FRYL: variants seen among roughly 807,000 people sequenced by gnomAD.
The protein encoded by FRYL is FRY like transcription coactivator.
A neutral mutation model predicts 351.2 loss-of-function variants in FRYL; 150 were observed. That is an observed-to-expected ratio of 0.43 (90% CI 0.37 to 0.49). The LOEUF is 0.49. FRYL is among the 20% of genes least tolerant of loss of function. The probability of loss-of-function intolerance (pLI) is 0.00; values close to 1 mark genes in which losing one functional copy is unlikely to be tolerated. For synonymous variants in FRYL, 1,153 were observed against 1,257.1 expected (o/e 0.92, Z 1.75); for missense variants, 3,036 against 3,619.3 (o/e 0.84, Z 4.13).
intron 1 of FRYL, among the ~76,000 whole-genome samples, chr4:48,732,930 T>TAAA (rs35830833): frequency 2.8e-5 from 4 of 142,594 alleles, no homozygotes; most frequent in East Asian, 2.0e-4. Context: ...ATAACAATAT[T>TAAA]AAAAAAAAAA....
chr4:48,650,866 G>C (rs1282362433), intron 3 of FRYL, among the ~76,000 whole-genome samples: 4 of 152,160 alleles, frequency 2.6e-5, no homozygotes, highest in Non-Finnish European at 5.9e-5. Context: ...CTGTGGAGAG[G>C]AGAGACTACG....
intron 20 of FRYL, 91 bp from the exon 21 acceptor site, chr4:48,581,696 G>T: frequency 9.7e-7 from 1 of 1,031,700 alleles, no homozygotes; most frequent in Non-Finnish European, 1.4e-6. Flanking sequence ...AAATCATAGT[G>T]ATTATGACTA....
chr4:48,732,948 G>T (rs550652253), intron 1 of FRYL, among the ~76,000 whole-genome samples: 6 of 147,900 alleles, frequency 4.1e-5, no homozygotes, highest in African/African-American at 1.5e-4. Context: ...AAAAAAGAAA[G>T]TAAGTAAGAA....
At chr4:48,772,576 T>C (rs1775623479) in intron 1 of FRYL, among the ~76,000 whole-genome samples, 1 of 151,598 alleles carries the variant, frequency 6.6e-6, no homozygotes, top group South Asian at 2.1e-4. Context: ...CATCTTAAGT[T>C]TTAAAATGGA....
intron 9 of FRYL, among the ~76,000 whole-genome samples, chr4:48,608,350 ATT>A (rs1747305641): frequency 6.6e-6 from 1 of 152,182 alleles, no homozygotes; most frequent in Non-Finnish European, 1.5e-5. Context: ...AGAAAATATA[ATT>A]TGATACTTTT....
intron 6 of FRYL, 77 bp from the exon 7 acceptor site, chr4:48,619,447 G>A (rs1750208894): frequency 2.8e-6 from 2 of 721,960 alleles, no homozygotes; most frequent in African/African-American, 1.8e-5. Context: ...AGCTCATGTC[G>A]CTTACTGTTT....
intron 2 of FRYL, among the ~76,000 whole-genome samples, chr4:48,697,062 G>A (rs1766263580): frequency 6.6e-6 from 1 of 151,842 alleles, no homozygotes; most frequent in Non-Finnish European, 1.5e-5. Context: ...TGGTGTAACT[G>A]AAGAAGAAGA....
rs60804712 is a variant in FRYL at position 48,657,953 on chromosome 4, C to A, written c.-80-23463G>T. On this transcript the variant is annotated intron_variant, in intron 3 of 63. Coordinates refer to ENST00000358350, the MANE Select transcript of FRYL (RefSeq NM_015030.2). ...TAATCACCTTCCACTTAACTCTATG[C>A]CCATTTAACTGGCATTTTGAGGATT... is the stretch of plus-strand genomic sequence containing the variant. Among the ~76,000 whole-genome samples the A allele has an allele frequency of 2.4e-3, 361 of 152,254 alleles. 1 individual carries two copies. The highest frequency in any genetic ancestry group is 8.4e-3 in the African/African-American group (351 of 41,556).
chr4:48,588,886 T>C (rs1462552029), intron 18 of FRYL, among the ~76,000 whole-genome samples: 1 of 151,978 alleles, frequency 6.6e-6, no homozygotes, highest in Non-Finnish European at 1.5e-5. Context: ...ACAGAAGAAA[T>C]ACACTATATA....
chr4:48,509,624 G>A (rs1378169039), intron 59 of FRYL, among the ~76,000 whole-genome samples: 1 of 152,210 alleles, frequency 6.6e-6, no homozygotes, highest in African/African-American at 2.4e-5. Context: ...ACTTGAAGAA[G>A]CCTTTCTTAG....
rs781483606 is a variant in FRYL at position 48,512,648 on chromosome 4, T to A, written c.7978A>T (p.Thr2660Ser). ...EEQDGFPEVQ[T>S]SPLPSPFLSA... ...AGAAATGGTGACGGCAGAGGCGACG[T>A]CTGTACTTCTGGAAAACCATCTTGC... is the stretch of plus-strand genomic sequence containing the variant. The change falls in exon 57 of 64, where the codon ACG (threonine) becomes TCG (serine). Residue 2660 changes from threonine (T) to serine (S), a missense_variant. Physicochemically the swap from Thr to Ser is moderately conservative, Grantham distance 58. Around this residue, in one of 7 missense-constraint regions of FRYL, gnomAD observed 1,987 missense variants for 2,311.7 expected, o/e 0.86. Coordinates refer to ENST00000358350, the MANE Select transcript of FRYL (RefSeq NM_015030.2). 8.7e-6 allele frequency: 14 copies of A among 1,613,928 alleles called. No individual in the cohort carries two copies. The Admixed American group carries it at 1.5e-4, about 17-fold the overall frequency.
chr4:48,770,087 A>G (rs1775361042), intron 1 of FRYL, among the ~76,000 whole-genome samples: 1 of 152,196 alleles, frequency 6.6e-6, no homozygotes, highest in Admixed American at 6.5e-5. Flanking sequence ...GCATATACAT[A>G]CAAATGAGCA....
intron 22 of FRYL, 42 bp downstream of exon 22, chr4:48,580,823 G>T: frequency 1.6e-6 from 2 of 1,288,762 alleles, no homozygotes; most frequent in Non-Finnish European, 2.2e-6. Context: ...TCTGTCATAA[G>T]TCTCAAAACA....
Position 48,505,533 on chromosome 4 carries a change from A to C in FRYL, c.8463+14T>G. 6.5e-7 allele frequency: 1 copy of C among 1,549,432 alleles called. No individual in the cohort carries two copies. The highest frequency in any genetic ancestry group is 1.1e-5 in the South Asian group (1 of 88,198). ...AGAAAATGTATGTTGCAAAAACAGG[A>C]ACAAGAAACTTACTTGTGCATCTGT... On this transcript the variant is annotated intron_variant, in intron 60 of 63. Coordinates refer to ENST00000358350, the MANE Select transcript of FRYL (RefSeq NM_015030.2).
chr4:48,617,548 G>A (rs1217502402), intron 7 of FRYL: 3 of 151,388 alleles, frequency 2.0e-5, no homozygotes, highest in Admixed American at 2.0e-4. Flanking sequence ...GTAGAGATGG[G>A]GTCCCCACTA....
intron 13 of FRYL, among the ~76,000 whole-genome samples, chr4:48,601,777 A>G (rs1433803298): frequency 1.3e-5 from 2 of 152,188 alleles, no homozygotes; most frequent in Non-Finnish European, 2.9e-5. Flanking sequence ...AAATATCACT[A>G]AAAATGTACA....
At chr4:48,739,684 C>T (rs1771836101) in intron 1 of FRYL, among the ~76,000 whole-genome samples, 1 of 152,084 alleles carries the variant, frequency 6.6e-6, no homozygotes. Flanking sequence ...AGATATGACA[C>T]CAAAGGCAGG....
At chr4:48,779,518 T>TG (rs1560391522) in intron 1 of FRYL, among the ~76,000 whole-genome samples, 4 of 151,612 alleles carry the variant, frequency 2.6e-5, no homozygotes, top group African/African-American at 4.8e-5. Flanking sequence ...GCTCCGCCGG[T>TG]CCCCGCCAGC....
chr4:48,558,668 C>T (rs1479281226), intron 33 of FRYL, among the ~76,000 whole-genome samples: 1 of 152,116 alleles, frequency 6.6e-6, no homozygotes, highest in Non-Finnish European at 1.5e-5. Flanking sequence ...TTTAAATTGA[C>T]CCATTAGGAA....
Sources: gnomAD v4.1 joint callset for allele counts (sites outside exome capture counted in the v4.1 genomes callset) on GRCh38, gnomAD v4.1.1 for gene constraint, gnomAD v4.1.1 regional missense constraint, MANE v1.5 for transcripts, NCBI Gene and HGNC (gene_info 2026-07-23, HGNC 2026-07-21) for gene names.